Variants in FABP6 observed in about 807,000 individuals in gnomAD.
FABP6 encodes gastrotropin.
Under a neutral mutation model 14.9 loss-of-function variants are expected in FABP6, and 13 were observed. The ratio of observed to expected loss-of-function variants is 0.87; its 90% CI spans 0.57 to 1.39. The LOEUF is 1.39. Among genes scored for constraint, FABP6 ranks in the 40% most tolerant of loss-of-function variants. FABP6 has a pLI of 0.00. For missense variants in FABP6, 161 were observed against 167.2 expected (o/e 0.96, Z 0.20); for synonymous variants, 75 against 63.6 (o/e 1.18, Z -0.85).
upstream of FABP6, among the ~76,000 whole-genome samples, chr5:160,226,329 G>A (rs147083282): frequency 0.011 from 1,597 of 151,864 alleles, 28 homozygotes; most frequent in African/African-American, 0.035. Flanking sequence ...TTGGGAGGCC[G>A]AGGCGGGCAG....
intron 3 of FABP6, among the ~76,000 whole-genome samples, chr5:160,221,725 A>G (rs1046144986): frequency 2.0e-5 from 3 of 152,030 alleles, no homozygotes; most frequent in Admixed American, 2.0e-4. Flanking sequence ...TTCAGTTTCC[A>G]TGAAGAAATA....
chr5:160,224,558 G>C (rs1481790218), upstream of FABP6, among the ~76,000 whole-genome samples: 1 of 152,166 alleles, frequency 6.6e-6, no homozygotes, highest in Non-Finnish European at 1.5e-5. Flanking sequence ...TAATGAGATA[G>C]ACCAAAAGCT....
chr5:160,228,629 C>A (rs777917094), upstream of FABP6: 13 of 439,434 alleles, frequency 3.0e-5, no homozygotes, highest in Non-Finnish European at 5.5e-5. Context: ...TAAAACTCAT[C>A]CAGCATCCAG....
intron 1 of FABP6, among the ~76,000 whole-genome samples, chr5:160,192,778 G>A (rs1443547629): frequency 1.3e-5 from 2 of 152,248 alleles, no homozygotes; most frequent in Non-Finnish European, 2.9e-5. Flanking sequence ...TGGGGTCAAA[G>A]GGTAGCTGGA....
upstream of FABP6, among the ~76,000 whole-genome samples, chr5:160,226,391 C>G (rs937847428): frequency 2.0e-5 from 3 of 151,410 alleles, no homozygotes; most frequent in African/African-American, 7.3e-5. Context: ...AAAACCCCGT[C>G]TCTACTAAAG....
At chr5:160,232,004 G>GA (rs1760392450) in intron 1 of FABP6, 94 bp from the exon 2 acceptor site, 8 of 1,415,276 alleles carry the variant, frequency 5.7e-6, no homozygotes, top group Admixed American at 2.1e-5. Flanking sequence ...GCACAAGGGG[G>GA]TAGGGCGGTG....
At position 160,198,857 on chromosome 5, in the gene FABP6, T is replaced by C; in HGVS notation, c.-58-192T>C. ...TACTGGCCCATCATCCTGTTGTTCT[T>C]TACAGCACTTTTGACTTTATCTTCT... is the stretch of plus-strand genomic sequence containing the variant. On this transcript the variant is annotated intron_variant, in intron 1 of 6. Coordinates refer to the FABP6 transcript ENST00000393980. 2 of 547,400 alleles carry C rather than the reference T, an allele frequency of 3.7e-6. 1 individual carries two copies. 33.9% of individuals were successfully genotyped at this position (547,400 alleles called of 1,614,324 possible).
At chr5:160,238,537 C>T (rs1208329256) in intron 3 of FABP6, 69 bp from the exon 4 acceptor site, 13 of 1,399,938 alleles carry the variant, frequency 9.3e-6, no homozygotes, top group East Asian at 2.3e-5. Context: ...ACTCATCTTC[C>T]TTCAGCGGTG....
intron 1 of FABP6, among the ~76,000 whole-genome samples, chr5:160,189,405 C>G (rs950226006): frequency 3.9e-4 from 60 of 152,164 alleles, no homozygotes; most frequent in Admixed American, 1.0e-3. Flanking sequence ...CCACACCCGG[C>G]TAATTTTGTG....
upstream of FABP6, among the ~76,000 whole-genome samples, chr5:160,229,031 C>G (rs186046547): frequency 6.6e-6 from 1 of 152,310 alleles, no homozygotes; most frequent in East Asian, 1.9e-4. Context: ...TGCTTTTCTC[C>G]TGGGGCACAT....
chr5:160,214,394 G>A (rs1234568086), intron 3 of FABP6, among the ~76,000 whole-genome samples: 1 of 151,750 alleles, frequency 6.6e-6, no homozygotes, highest in African/African-American at 2.4e-5. Flanking sequence ...TGCACTCTTG[G>A]CCTCAAGCAG....
intron 3 of FABP6, among the ~76,000 whole-genome samples, chr5:160,217,029 A>G (rs554261938): frequency 5.3e-5 from 8 of 152,294 alleles, no homozygotes; most frequent in Non-Finnish European, 7.4e-5. Context: ...CCTCATCTAC[A>G]TGATGGGGGT....
intron 1 of FABP6, among the ~76,000 whole-genome samples, chr5:160,190,990 GAGGCAGAAGAATCGCT>G (rs1759382546): frequency 6.6e-6 from 1 of 150,870 alleles, no homozygotes; most frequent in Non-Finnish European, 1.5e-5. Context: ...GTGTACTCAG[GAGGCAGAAGAATCGCT>G]TGAACCCAGG....
upstream of FABP6, among the ~76,000 whole-genome samples, chr5:160,228,317 G>A (rs541802494): frequency 6.6e-6 from 1 of 151,384 alleles, no homozygotes; most frequent in South Asian, 2.1e-4. Context: ...CTTGAACCCG[G>A]GAGGCGGAGG....
At chr5:160,235,502 C>T (rs1049946586) in intron 3 of FABP6, among the ~76,000 whole-genome samples, 4 of 152,228 alleles carry the variant, frequency 2.6e-5, no homozygotes, top group African/African-American at 9.6e-5. Context: ...AGGTGGTGCC[C>T]TGGGAGGCCC....
chr5:160,229,103 G>T (rs1486928454), upstream of FABP6, among the ~76,000 whole-genome samples: 2 of 152,208 alleles, frequency 1.3e-5, no homozygotes, highest in Non-Finnish European at 2.9e-5. Context: ...TAAACCAAAG[G>T]CTCTTTTGGG....
At chr5:160,202,214 G>A (rs563255293) in intron 2 of FABP6, among the ~76,000 whole-genome samples, 4 of 152,270 alleles carry the variant, frequency 2.6e-5, no homozygotes, top group East Asian at 1.9e-4. Flanking sequence ...ATCATTCATC[G>A]AAGTGCCATG....
At chr5:160,225,879 G>A (rs980054615), upstream of FABP6, among the ~76,000 whole-genome samples, 1 of 152,102 alleles carries the variant, frequency 6.6e-6, no homozygotes, top group Non-Finnish European at 1.5e-5. Flanking sequence ...GAGGAAGAGA[G>A]TAGAAAATAT....
chr5:160,238,707 T>C lies in FABP6; in HGVS notation c.*48T>C. On this transcript the variant is annotated 3_prime_UTR_variant, in exon 4 of 4. Transcript: ENST00000402432. ...GCTACAAACCCACCAATAAAACTGA[T>C]ATAAGGACAGACGCTGCTCGCTCCA... is the stretch of plus-strand genomic sequence containing the variant. 2 of 1,581,908 alleles carry C rather than the reference T, an allele frequency of 1.3e-6. No homozygotes were observed. Among genetic ancestry groups the C allele is most frequent in the Non-Finnish European group, 1.7e-6 (2 of 1,151,148 alleles).
Sources: allele counts gnomAD v4.1 joint callset (sites outside exome capture counted in the v4.1 genomes callset), GRCh38; gene constraint gnomAD v4.1.1; transcripts MANE v1.5; gene names NCBI Gene and HGNC (gene_info 2026-07-23, HGNC 2026-07-21).